Variants in CFAP92 observed in about 807,000 individuals in gnomAD.
CFAP92 encodes the protein uncharacterized protein CFAP92.
Under a neutral mutation model 106.3 loss-of-function variants are expected in CFAP92, and 86 were observed. That is an observed-to-expected ratio of 0.81 (90% confidence interval 0.68 to 0.97). The LOEUF (loss-of-function observed/expected upper bound fraction) is 0.97, where lower values mean the gene tolerates loss of function less well. CFAP92 is among the 50% of genes least tolerant of loss of function. The probability of loss-of-function intolerance (pLI) is 0.00; values close to 1 mark genes in which losing one functional copy is unlikely to be tolerated. For missense variants in CFAP92, 1,204 were observed against 1,283.8 expected (o/e 0.94, Z 0.95); for synonymous variants, 477 against 506.4 (o/e 0.94, Z 0.78).
chr3:128,930,846 T>G (rs1938283780), intron 12 of CFAP92, among the ~76,000 whole-genome samples: 1 of 152,218 alleles, frequency 6.6e-6, no homozygotes, highest in East Asian at 1.9e-4. Flanking sequence ...CATATCTAAG[T>G]GCATTAAGAG....
intron 12 of CFAP92, among the ~76,000 whole-genome samples, chr3:128,917,081 A>G (rs1936876748): frequency 6.6e-6 from 1 of 152,230 alleles, no homozygotes; most frequent in Admixed American, 6.5e-5. Context: ...CACACACATG[A>G]AAGAACAGAC....
At chr3:128,947,065 G>C (rs1193607652) in intron 9 of CFAP92, among the ~76,000 whole-genome samples, 1 of 152,088 alleles carries the variant, frequency 6.6e-6, no homozygotes, top group Non-Finnish European at 1.5e-5. Flanking sequence ...AGTATCTCTG[G>C]AACTGGCAGT....
rs1222006902 is a variant in CFAP92, at chr3:128,935,135, C to G, written c.2443G>C (p.Ala815Pro). The G allele has an allele frequency of 4.6e-6, 7 of 1,526,752 alleles. No individual in the cohort carries two copies. Among genetic ancestry groups the G allele is most frequent in the Non-Finnish European group, 6.1e-6 (7 of 1,141,140 alleles). 94.6% of individuals were successfully genotyped at this position (1,526,752 alleles called of 1,614,324 possible). A position where few individuals can be genotyped will look rare whatever the true frequency, so the allele number is the denominator to read the frequency against. The change falls in exon 11 of 16, where the codon GCT (alanine) becomes CCT (proline). Residue 815 changes from alanine to proline, a missense_variant. Ala to Pro is a conservative substitution (Grantham distance 27). Transcript: ENST00000645291. ...GCTGCCACTGCCCACCTGGCTAGAG[C>G]CTGGAAGACCCGCCTCCGCTCAGTG... The part of the protein sequence containing the change: ...RDTERRRVFQ[A>P]LARIHDICYN...
At chr3:128,943,919 C>CCCCT (rs1553747259) in intron 10 of CFAP92, among the ~76,000 whole-genome samples, 1 of 86,888 alleles carries the variant, frequency 1.2e-5, no homozygotes, top group African/African-American at 7.5e-5. Flanking sequence ...TTATTTCCCC[C>CCCCT]GTTTTTTTTT....
chr3:128,997,358 G>A (rs1944519865), upstream of CFAP92, among the ~76,000 whole-genome samples: 1 of 152,164 alleles, frequency 6.6e-6, no homozygotes, highest in African/African-American at 2.4e-5. Flanking sequence ...TTCAAGCGTA[G>A]AATTCAATGA....
intron 9 of CFAP92, among the ~76,000 whole-genome samples, chr3:128,948,377 C>CTTTTT (rs4040748): frequency 1.6e-4 from 13 of 79,770 alleles, no homozygotes; most frequent in South Asian, 5.3e-4. Flanking sequence ...CTTTTCTTTC[C>CTTTTT]TTTTTTTTTT....
upstream of CFAP92, among the ~76,000 whole-genome samples, chr3:128,995,075 CTCCGGCAGTCAGTTTGT>C (rs1944430172): frequency 6.6e-6 from 1 of 152,196 alleles, no homozygotes; most frequent in South Asian, 2.1e-4. Flanking sequence ...GGGCACCCTG[CTCCGGCAGTCAGTTTGT>C]TCAAGAGAAT....
chr3:128,994,805 T>C (rs1944419356), upstream of CFAP92, among the ~76,000 whole-genome samples: 1 of 152,122 alleles, frequency 6.6e-6, no homozygotes, highest in South Asian at 2.1e-4. Context: ...GACAGAGGGC[T>C]GGGGTAGGCC....
rs1936460719 is a variant in CFAP92, at chr3:128,912,593, G to A, written c.3281-2260C>T. The A allele has an allele frequency of 3.7e-6, 6 of 1,613,976 alleles. No individual in the cohort carries two copies. The South Asian group carries it at 6.6e-5, about 18-fold the overall frequency. ...AGCCTATATCTGTGCCCACCCTCTGGACAGGACATGCTGAGGCAGGGGACA... is the reference window on the plus strand; with the variant it reads ...AGCCTATATCTGTGCCCACCCTCTGAACAGGACATGCTGAGGCAGGGGACA... On this transcript the variant is annotated intron_variant, in intron 15 of 15. Transcript: ENST00000645291.
chr3:129,017,489 C>T, the CFAP92 span, among the ~76,000 whole-genome samples: 7 of 152,228 alleles, frequency 4.6e-5, no homozygotes, highest in Non-Finnish European at 1.0e-4. Flanking sequence ...CGGGTCTGGA[C>T]CCCCTGGGAA....
At chr3:128,922,023 TTGACTC>T (rs1232208118) in intron 12 of CFAP92, among the ~76,000 whole-genome samples, 2 of 152,150 alleles carry the variant, frequency 1.3e-5, no homozygotes, top group East Asian at 1.9e-4. Flanking sequence ...ACGGGAATAA[TTGACTC>T]TGATTATACC....
At chr3:128,936,835 T>A (rs1939072108) in intron 10 of CFAP92, among the ~76,000 whole-genome samples, 1 of 152,186 alleles carries the variant, frequency 6.6e-6, no homozygotes, top group Non-Finnish European at 1.5e-5. Context: ...CCAAATAAAA[T>A]TTTTAAATTT....
chr3:128,916,066 T>C, intron 13 of CFAP92, 41 bp downstream of exon 13: 1 of 1,226,246 alleles, frequency 8.2e-7, no homozygotes, highest in Non-Finnish European at 1.0e-6. Flanking sequence ...AAAGAACTCA[T>C]GGGATTTGCC....
chr3:128,980,916 T>C (rs61480393), intron 4 of CFAP92, among the ~76,000 whole-genome samples: 103,488 of 152,036 alleles, frequency 0.68, 36,847 homozygotes, highest in African/African-American at 0.91. Flanking sequence ...GAGTCAGCCA[T>C]GAGGGCTGGA....
chr3:128,914,873 C>A, intron 15 of CFAP92: 1 of 496,802 alleles, frequency 2.0e-6, no homozygotes, highest in Non-Finnish European at 3.6e-6. Flanking sequence ...GAAACCAGAC[C>A]CAGGGCATGA....
chr3:128,915,029 A>G, intron 15 of CFAP92, 90 bp downstream of exon 15: 1 of 1,329,332 alleles, frequency 7.5e-7, no homozygotes, highest in African/African-American at 1.5e-5. Flanking sequence ...GTGTAAACAA[A>G]ATGGATACCA....
At chr3:128,979,971 T>TATAA (rs1387014263) in intron 4 of CFAP92, among the ~76,000 whole-genome samples, 1 of 109,640 alleles carries the variant, frequency 9.1e-6, no homozygotes, top group Admixed American at 9.1e-5. Context: ...TATATATATA[T>TATAA]AAAAGAAAAA....
chr3:129,003,556 CGTT>C (rs1559954237), upstream of CFAP92, among the ~76,000 whole-genome samples: 1 of 149,528 alleles, frequency 6.7e-6, no homozygotes, highest in African/African-American at 2.5e-5. Flanking sequence ...AGTGAAAAAA[CGTT>C]GGGGGGTGGG....
upstream of CFAP92, among the ~76,000 whole-genome samples, chr3:128,996,012 C>T (rs980135236): frequency 6.6e-6 from 1 of 152,238 alleles, no homozygotes; most frequent in African/African-American, 2.4e-5. Context: ...GAGGAAATGA[C>T]ACTATGTGAT....
Sources: gnomAD v4.1 joint callset for allele counts (sites outside exome capture counted in the v4.1 genomes callset) on GRCh38, gnomAD v4.1.1 for gene constraint, MANE v1.5 for transcripts, NCBI Gene and HGNC (gene_info 2026-07-23, HGNC 2026-07-21) for gene names.